The following RIF1 variants were observed in gnomAD, a reference collection of about 807,000 sequenced individuals.
RIF1 encodes replication timing regulatory factor 1, also known as telomere-associated protein RIF1.
A neutral mutation model predicts 247.1 loss-of-function variants in RIF1; 45 were observed. The ratio of observed to expected loss-of-function variants is 0.18; its 90% CI spans 0.14 to 0.23. The LOEUF (loss-of-function observed/expected upper bound fraction) is 0.23. Among genes scored for constraint, RIF1 ranks in the 10% least tolerant of loss-of-function variants. The pLI, the probability that RIF1 is intolerant of heterozygous loss-of-function variation, is 1.00. For missense variants in RIF1, 2,967 were observed against 2,862.5 expected (o/e 1.04, Z -0.83); for synonymous variants, 1,087 against 978.8 (o/e 1.11, Z -2.06).
chr2:151,494,811 G>A (rs2059096332), intron 9 of RIF1, among the ~76,000 whole-genome samples: 1 of 152,084 alleles, frequency 6.6e-6, no homozygotes, highest in Admixed American at 6.6e-5. Context: ...ACCATGCCCG[G>A]CTAATTTTTG....
rs1236100984 is a variant in RIF1 at position 151,466,017 on chromosome 2, A to G, written c.6497A>G (p.Gln2166Arg). The G allele has an allele frequency of 6.2e-7, 1 of 1,613,924 alleles. No homozygotes were observed. The highest frequency in any genetic ancestry group is 8.5e-7 in the Non-Finnish European group (1 of 1,179,940). Residue 2166 changes from glutamine to arginine, a missense_variant, in exon 30 of 36, where the codon CAG becomes CGG. By Grantham distance (43) the Gln-to-Arg change is conservative. This residue lies in a region of RIF1 where 2,028 missense variants were observed against 1,825.6 expected (regional missense o/e 1.11). Coordinates refer to ENST00000444746, the MANE Select transcript of RIF1 (RefSeq NM_018151.5). ...VSANDSPSGM[Q>R]TRCVWSPLAS... ...GCAAATGACAGTCCTAGTGGCATGC[A>G]GACACGCTGTGTCTGGTCTCCTTTG...
intron 9 of RIF1, among the ~76,000 whole-genome samples, chr2:151,488,349 A>G (rs573487443): frequency 3.8e-4 from 58 of 151,934 alleles, no homozygotes; most frequent in Non-Finnish European, 7.5e-4. Context: ...TCCCCTTTAT[A>G]TTTTAAAATA....
chr2:151,472,731 A>G (rs1332378775), intron 34 of RIF1, among the ~76,000 whole-genome samples: 1 of 152,176 alleles, frequency 6.6e-6, no homozygotes, highest in Non-Finnish European at 1.5e-5. Context: ...TCACTTGATC[A>G]TGGTGGATAA....
chr2:151,446,871 G>C (rs1024402235), intron 20 of RIF1, among the ~76,000 whole-genome samples: 1 of 151,172 alleles, frequency 6.6e-6, no homozygotes, highest in Non-Finnish European at 1.5e-5. Flanking sequence ...TTTCTCATAC[G>C]TATCTGTTAG....
Position 151,428,781 on chromosome 2 carries a change from T to C in RIF1, c.787-3T>C, listed in dbSNP as rs1292470664. The C allele has an allele frequency of 3.7e-6, 6 of 1,601,192 alleles. No individual in the cohort carries two copies. Among genetic ancestry groups the C allele is most frequent in the Admixed American group, 1.7e-5 (1 of 59,878 alleles). On this transcript the variant is annotated splice_polypyrimidine_tract_variant and splice_region_variant and intron_variant, in intron 8 of 35. Transcript: ENST00000444746. ...CTTCTTAATGATTTTTTCCCCTTTT[T>C]AGACCTTGCATCGAAGTGGGAGTTT...
chr2:151,470,070 C>T (rs1697561850), intron 34 of RIF1, among the ~76,000 whole-genome samples: 3 of 151,886 alleles, frequency 2.0e-5, no homozygotes, highest in Non-Finnish European at 4.4e-5. Flanking sequence ...TCATTTCCAC[C>T]ATTCGGTATT....
At position 151,447,638 on chromosome 2, in the gene RIF1, TG is replaced by T. The variant is rs200662602; in HGVS notation, c.2244+1066del. 8.5e-3 allele frequency among the ~76,000 whole-genome samples: 1,289 copies of T among 152,322 alleles called. 25 individuals are homozygous for T. Among genetic ancestry groups the T allele is most frequent in the African/African-American group, 0.03 (1,229 of 41,574 alleles). ...TCAGCTCACTGCAGCCTCCGCCTTC[TG>T]GGTTCAAGCGATTCTTCTGCCTCAG... On this transcript the variant is annotated intron_variant, in intron 20 of 35. Coordinates refer to ENST00000444746, the MANE Select transcript of RIF1 (RefSeq NM_018151.5).
intron 8 of RIF1, among the ~76,000 whole-genome samples, chr2:151,425,740 C>T (rs1295111209): frequency 1.5e-5 from 2 of 134,028 alleles, no homozygotes; most frequent in South Asian, 4.8e-4. Context: ...GATCTCGGCT[C>T]ACTGCAACCT....
At chr2:151,455,225 T>G (rs1402645096) in intron 22 of RIF1, 66 bp downstream of exon 22, 6 of 1,224,432 alleles carry the variant, frequency 4.9e-6, no homozygotes, top group Admixed American at 5.0e-5. Flanking sequence ...TAGCAACTTT[T>G]ATTTTTTAAT....
the RIF1 span, among the ~76,000 whole-genome samples, chr2:151,515,273 G>A: frequency 1.3e-5 from 2 of 152,204 alleles, no homozygotes; most frequent in Non-Finnish European, 2.9e-5. Flanking sequence ...TTCTTAAGGT[G>A]ACAAAAGACT....
At chr2:151,526,123 G>C in the RIF1 span, 2 of 1,611,844 alleles carry the variant, frequency 1.2e-6, no homozygotes, top group South Asian at 2.2e-5. Flanking sequence ...GTTCTCCCAA[G>C]AGGGAAGCAG....
At chr2:151,503,220 GTAA>G (rs2153109926) in intron 12 of RIF1, 5 of 702,752 alleles carry the variant, frequency 7.1e-6, no homozygotes, top group Non-Finnish European at 1.2e-5. Context: ...TTTTGGTCAG[GTAA>G]TAATACACAA....
At position 151,468,475 on chromosome 2, in the gene RIF1, A is replaced by C. The variant is rs569529251; in HGVS notation, c.6749A>C (p.His2250Pro). ...TTTTCTCTCCTTTCTTCTATCTAGC[A>C]TAATACCACTTCAGCCAAAGGATTT... is the stretch of plus-strand genomic sequence containing the variant. Reference protein sequence around the residue: ...VKTSPTTQSKHNTTSAKGFLS... With the variant: ...VKTSPTTQSKPNTTSAKGFLS... The change falls in exon 32 of 36, where the codon CAT (histidine) becomes CCT (proline). Residue 2250 changes from histidine (H) to proline (P), a missense_variant and splice_region_variant. Physicochemically the swap from His to Pro is moderately conservative, Grantham distance 77. Transcript: ENST00000444746. 1 of 1,611,004 alleles carries C rather than the reference A, an allele frequency of 6.2e-7. No individual in the cohort carries two copies. The highest frequency in any genetic ancestry group is 8.5e-7 in the Non-Finnish European group (1 of 1,177,288).
chr2:151,433,838 G>A (rs1459322013), intron 10 of RIF1, among the ~76,000 whole-genome samples: 1 of 151,942 alleles, frequency 6.6e-6, no homozygotes, highest in African/African-American at 2.4e-5. Flanking sequence ...TTTTCCCCTA[G>A]AGCATTTGGA....
At chr2:151,485,548 A>G (rs1061317), downstream of RIF1, 3,615 of 416,600 alleles carry the variant, frequency 8.7e-3, 33 homozygotes, top group Non-Finnish European at 9.8e-3. Flanking sequence ...GAAAGACTCT[A>G]GGCACAGAAA....
chr2:151,503,774 G>C (rs77695696), intron 12 of RIF1, among the ~76,000 whole-genome samples: 5 of 152,272 alleles, frequency 3.3e-5, no homozygotes, highest in African/African-American at 1.2e-4. Context: ...TAGTAGGCCT[G>C]CAGTAGACTT....
At position 151,410,447 on chromosome 2, in the gene RIF1, C is replaced by T. The variant is rs776443653; in HGVS notation, c.24C>T (p.Pro8=). The change falls in exon 2 of 36, where the codon CCC becomes CCT. Residue 8 remains proline, a synonymous_variant. Coordinates refer to ENST00000444746, the MANE Select transcript of RIF1 (RefSeq NM_018151.5). The stretch of plus-strand genomic sequence containing the variant: ...ACATGACGGCCAGGGGTCAGAGCCC[C>T]CTCGCGCCGCTGTTGGAGACTTTGG... MTARGQS[P]LAPLLETLED... is the part of the protein sequence containing the mutation. 4 of 1,614,006 alleles carry T rather than the reference C, an allele frequency of 2.5e-6. No individual in the cohort carries two copies. Among genetic ancestry groups the T allele is most frequent in the South Asian group, 2.2e-5 (2 of 91,000 alleles).
At chr2:151,525,860 G>A in the RIF1 span, 1 of 888,416 alleles carries the variant, frequency 1.1e-6, no homozygotes, top group South Asian at 1.3e-5. Context: ...TAAGAGTGAA[G>A]CTACATAAAG....
chr2:151,499,870 A>G (rs2153034210), intron 11 of RIF1, among the ~76,000 whole-genome samples: 1 of 152,302 alleles, frequency 6.6e-6, no homozygotes, highest in East Asian at 1.9e-4. Context: ...AATATGTGGC[A>G]TTGTCTATTT....
Sources: gnomAD v4.1 joint callset for allele counts (sites outside exome capture counted in the v4.1 genomes callset) on GRCh38, gnomAD v4.1.1 for gene constraint, gnomAD v4.1.1 regional missense constraint, MANE v1.5 for transcripts, NCBI Gene and HGNC (gene_info 2026-07-23, HGNC 2026-07-21) for gene names.